The following LDLRAP1 variants were observed in gnomAD, a reference collection of about 807,000 sequenced individuals.
LDLRAP1 encodes low density lipoprotein receptor adaptor protein 1, also known as low density lipoprotein receptor adapter protein 1.
A neutral mutation model predicts 37.8 loss-of-function variants in LDLRAP1; 30 were observed. The observed-to-expected ratio is 0.79, with a 90% CI of 0.59 to 1.08. LDLRAP1 has a LOEUF of 1.08. Among genes scored for constraint, LDLRAP1 ranks in the 50% least tolerant of loss-of-function variants. The pLI, the probability that LDLRAP1 is intolerant of heterozygous loss-of-function variation, is 0.00. For missense variants in LDLRAP1, 375 were observed against 401.6 expected (o/e 0.93, Z 0.57); for synonymous variants, 156 against 169.8 (o/e 0.92, Z 0.63).
chr1:25,581,066 C>A, the LDLRAP1 span, among the ~76,000 whole-genome samples: 2 of 152,166 alleles, frequency 1.3e-5, no homozygotes, highest in Non-Finnish European at 2.9e-5. Flanking sequence ...CTAGATGTTA[C>A]TGCCATTGGC....
chr1:25,552,548 C>T (rs1038693948), intron 1 of LDLRAP1, among the ~76,000 whole-genome samples: 1 of 152,192 alleles, frequency 6.6e-6, no homozygotes, highest in African/African-American at 2.4e-5. Context: ...ATGGTGCAGT[C>T]ATAACAAACA....
chr1:25,579,063 ATGTGTTGTT>A, the LDLRAP1 span, among the ~76,000 whole-genome samples: 3 of 152,302 alleles, frequency 2.0e-5, no homozygotes, highest in South Asian at 6.2e-4. Flanking sequence ...CCACCTCTCC[ATGTGTTGTT>A]TAAAGCCTTG....
Position 25,567,202 on chromosome 1 carries a change from A to AT in LDLRAP1, c.*213dup. The AT allele has an allele frequency of 1.6e-6, 1 of 630,098 alleles. No individual in the cohort carries two copies. The highest frequency in any genetic ancestry group is 4.3e-4 in the Middle Eastern group (1 of 2,330). The allele number at this position is 630,098 out of a possible 1,614,324, so 39.0% of individuals were successfully genotyped here. On this transcript the variant is annotated 3_prime_UTR_variant, in exon 9 of 9. Coordinates refer to ENST00000374338, the MANE Select transcript of LDLRAP1 (RefSeq NM_015627.3). ...CTGAGAACCAAAAGATGCCTTGAAT[A>AT]TTTATTCAGTGACTTCTGGCTTATG...
At chr1:25,581,954 C>T in the LDLRAP1 span, among the ~76,000 whole-genome samples, 23 of 152,306 alleles carry the variant, frequency 1.5e-4, no homozygotes, top group East Asian at 3.9e-4. Flanking sequence ...TCCTGGGCAA[C>T]GGCCTCATCC....
chr1:25,585,381 A>C, the LDLRAP1 span, among the ~76,000 whole-genome samples: 6 of 150,238 alleles, frequency 4.0e-5, no homozygotes, highest in Admixed American at 6.6e-5. Context: ...GCTGGAGTGC[A>C]GTGGCACGAC....
chr1:25,548,870 G>A (rs912689073), intron 1 of LDLRAP1, among the ~76,000 whole-genome samples: 2 of 152,014 alleles, frequency 1.3e-5, no homozygotes, highest in Non-Finnish European at 2.9e-5. Flanking sequence ...TGTCCAGGCT[G>A]GTCTTGAACT....
At chr1:25,582,111 G>A in the LDLRAP1 span, among the ~76,000 whole-genome samples, 3 of 152,188 alleles carry the variant, frequency 2.0e-5, no homozygotes, top group Non-Finnish European at 4.4e-5. Flanking sequence ...GCCCTGGGCA[G>A]TGCCATGGCT....
the LDLRAP1 span, among the ~76,000 whole-genome samples, chr1:25,585,194 T>C: frequency 1.3e-5 from 2 of 152,308 alleles, no homozygotes; most frequent in Admixed American, 1.3e-4. Flanking sequence ...TATTTAATAA[T>C]CGCAAAAGAG....
At chr1:25,545,339 G>A (rs951923871) in intron 1 of LDLRAP1, among the ~76,000 whole-genome samples, 6 of 152,184 alleles carry the variant, frequency 3.9e-5, no homozygotes, top group South Asian at 2.1e-4. Flanking sequence ...AGAGGTAGCC[G>A]CTTTGGATGT....
the LDLRAP1 span, among the ~76,000 whole-genome samples, chr1:25,589,410 C>T: frequency 3.3e-5 from 5 of 152,132 alleles, no homozygotes; most frequent in Non-Finnish European, 5.9e-5. Flanking sequence ...ATCAACTTGA[C>T]TGGGGTAAGG....
intron 1 of LDLRAP1, among the ~76,000 whole-genome samples, chr1:25,548,720 C>G (rs1342599540): frequency 6.6e-6 from 1 of 152,174 alleles, no homozygotes; most frequent in African/African-American, 2.4e-5. Context: ...ATTGCCCAGG[C>G]TGGAATGCAG....
Position 25,555,634 on chromosome 1 carries a change from C to T in LDLRAP1, c.344+662C>T, listed in dbSNP as rs549012266. On this transcript the variant is annotated intron_variant, in intron 3 of 8. Transcript: ENST00000374338. The surrounding 1 kb of genome is among the most constrained non-coding windows in gnomAD (Gnocchi z 4.7). The stretch of plus-strand genomic sequence containing the variant: ...GCCAGAGCCCTGTCCAGCAGGCTCC[C>T]GTCTGCCTGGCATCCCTCCACCCTC... Among the ~76,000 whole-genome samples, 5 of 152,282 alleles carry T rather than the reference C, an allele frequency of 3.3e-5. No homozygotes were observed. The highest frequency in any genetic ancestry group is 2.1e-4 in the South Asian group (1 of 4,820).
At chr1:25,570,138 G>A (rs2044583767), downstream of LDLRAP1, among the ~76,000 whole-genome samples, 1 of 152,180 alleles carries the variant, frequency 6.6e-6, no homozygotes, top group Admixed American at 6.5e-5. Flanking sequence ...ATCAGCATCA[G>A]GCTGACTCCC....
intron 4 of LDLRAP1, among the ~76,000 whole-genome samples, chr1:25,561,635 T>TC (rs1472643867): frequency 6.6e-6 from 1 of 152,094 alleles, no homozygotes; most frequent in Non-Finnish European, 1.5e-5. Context: ...GGACTTCCAC[T>TC]CCCAGAAGCT....
intron 4 of LDLRAP1, among the ~76,000 whole-genome samples, chr1:25,559,719 A>G (rs1008576802): frequency 6.6e-6 from 1 of 152,174 alleles, no homozygotes; most frequent in African/African-American, 2.4e-5. Flanking sequence ...CCAGGCTGAC[A>G]GTGTGTTGGT....
At chr1:25,573,231 C>T (rs955898998), downstream of LDLRAP1, among the ~76,000 whole-genome samples, 6 of 152,154 alleles carry the variant, frequency 3.9e-5, no homozygotes, top group African/African-American at 4.8e-5. Context: ...ACTCAGGCCC[C>T]GCCACGTTGA....
the LDLRAP1 span, among the ~76,000 whole-genome samples, chr1:25,575,322 A>T: frequency 2.0e-5 from 3 of 151,136 alleles, no homozygotes; most frequent in Non-Finnish European, 4.4e-5. Flanking sequence ...ATAGGGGCTC[A>T]TGCCTGTAAT....
chr1:25,580,513 A>ATT, the LDLRAP1 span, among the ~76,000 whole-genome samples: 1 of 152,094 alleles, frequency 6.6e-6, no homozygotes, highest in Non-Finnish European at 1.5e-5. Flanking sequence ...TAATCTTCAC[A>ATT]ATTATTATTA....
chr1:25,562,536 C>T (rs2044366766), intron 4 of LDLRAP1, 108 bp from the exon 5 acceptor site: 3 of 889,466 alleles, frequency 3.4e-6, no homozygotes, highest in African/African-American at 3.3e-5. Flanking sequence ...GCAGAAGCTG[C>T]AGGGAGGGAG....
Sources: gnomAD v4.1 joint callset for allele counts (sites outside exome capture counted in the v4.1 genomes callset) on GRCh38, gnomAD v4.1.1 for gene constraint, Gnocchi (gnomAD v3.1) non-coding constraint, MANE v1.5 for transcripts, NCBI Gene and HGNC (gene_info 2026-07-23, HGNC 2026-07-21) for gene names.